Variants in SLC44A5 observed in about 807,000 individuals in gnomAD.
SLC44A5 encodes solute carrier family 44 member 5, also known as choline transporter-like protein 5.
In SLC44A5, 57 loss-of-function variants were observed where a neutral mutation model predicts 101.8. The ratio of observed to expected loss-of-function variants is 0.56; its 90% confidence interval spans 0.45 to 0.70. SLC44A5 has a LOEUF of 0.70. Ranked by LOEUF, SLC44A5 falls within the 30% of genes least tolerant of loss-of-function variation. The pLI is 0.00. For missense variants in SLC44A5, 737 were observed against 853.1 expected, an observed-to-expected ratio of 0.86 and a Z score of 1.70; for synonymous variants, 281 against 290.9, an observed-to-expected ratio of 0.97 and a Z score of 0.35.
chr1:75,501,551 A>G (rs1263405067), intron 2 of SLC44A5, among the ~76,000 whole-genome samples: 1 of 152,206 alleles, frequency 6.6e-6, no homozygotes, highest in African/African-American at 2.4e-5. Context: ...TATGTTTGCT[A>G]AGCATTCTAT....
chr1:75,476,100 T>C (rs1209752828), intron 2 of SLC44A5, among the ~76,000 whole-genome samples: 1 of 152,078 alleles, frequency 6.6e-6, no homozygotes, highest in Non-Finnish European at 1.5e-5. Context: ...TGAGAATCGC[T>C]TGAACCCGGG....
At chr1:75,622,956 A>T in the SLC44A5 span, among the ~76,000 whole-genome samples, 1 of 152,110 alleles carries the variant, frequency 6.6e-6, no homozygotes, top group Non-Finnish European at 1.5e-5. Context: ...TGCTTCTGAC[A>T]TATTTTTGAC....
the SLC44A5 span, among the ~76,000 whole-genome samples, chr1:75,692,879 C>T: frequency 6.6e-6 from 1 of 152,012 alleles, no homozygotes; most frequent in Non-Finnish European, 1.5e-5. Context: ...CCACATCTCC[C>T]CTGGGAACAG....
At chr1:75,371,488 C>A (rs951749586) in intron 3 of SLC44A5, among the ~76,000 whole-genome samples, 9 of 151,868 alleles carry the variant, frequency 5.9e-5, no homozygotes, top group African/African-American at 2.2e-4. Context: ...ATCCAAAGAC[C>A]CAAGTAGCTT....
At chr1:75,454,633 A>G (rs1666087561) in intron 2 of SLC44A5, among the ~76,000 whole-genome samples, 1 of 152,082 alleles carries the variant, frequency 6.6e-6, no homozygotes, top group African/African-American at 2.4e-5. Context: ...TTCTATACCT[A>G]GAAAACCCTA....
intron 2 of SLC44A5, among the ~76,000 whole-genome samples, chr1:75,428,160 G>A (rs1030225200): frequency 6.6e-6 from 1 of 152,110 alleles, no homozygotes; most frequent in Admixed American, 6.5e-5. Flanking sequence ...AACCTCTGTT[G>A]TTTTAAGCAA....
the SLC44A5 span, among the ~76,000 whole-genome samples, chr1:75,639,612 C>T: frequency 6.6e-6 from 1 of 152,146 alleles, no homozygotes; most frequent in African/African-American, 2.4e-5. Flanking sequence ...TTGCTCACTT[C>T]CCCAGTGCAT....
intron 1 of SLC44A5, among the ~76,000 whole-genome samples, chr1:75,574,150 C>T (rs1298590703): frequency 6.6e-6 from 1 of 152,122 alleles, no homozygotes; most frequent in East Asian, 1.9e-4. Flanking sequence ...AACTAGAGGA[C>T]AAAAATATAA....
intron 2 of SLC44A5, chr1:75,402,551 G>T (rs1249777): frequency 0.24 from 49,330 of 202,226 alleles, 6,521 homozygotes; most frequent in African/African-American, 0.33. Flanking sequence ...GCTGAAGTAG[G>T]GTGAGGCATC....
the SLC44A5 span, among the ~76,000 whole-genome samples, chr1:75,624,226 T>C: frequency 1.3e-5 from 2 of 152,118 alleles, no homozygotes; most frequent in African/African-American, 4.8e-5. Context: ...TGTAAGTCCA[T>C]AGTGATAGTC....
chr1:75,225,962 G>T (rs1390664186), intron 13 of SLC44A5, among the ~76,000 whole-genome samples: 1 of 152,124 alleles, frequency 6.6e-6, no homozygotes, highest in African/African-American at 2.4e-5. Context: ...AGTAAAACTA[G>T]AAGTTTCAAT....
At chr1:75,427,598 C>T (rs779469660) in intron 2 of SLC44A5, among the ~76,000 whole-genome samples, 1 of 152,056 alleles carries the variant, frequency 6.6e-6, no homozygotes, top group African/African-American at 2.4e-5. Flanking sequence ...ACAGATATAA[C>T]AATACAGTTT....
chr1:75,629,854 G>C, the SLC44A5 span, among the ~76,000 whole-genome samples: 5 of 152,158 alleles, frequency 3.3e-5, no homozygotes, highest in Non-Finnish European at 7.3e-5. Context: ...GTGTAAAACA[G>C]TATTGAAGAT....
intron 2 of SLC44A5, chr1:75,521,713 C>G (rs1275838535): frequency 6.5e-6 from 1 of 152,684 alleles, no homozygotes; most frequent in African/African-American, 2.4e-5. Flanking sequence ...GGTAGAAGCT[C>G]AAATATAGGA....
chr1:75,205,655 T>G (rs1646738148), intron 23 of SLC44A5: 1 of 152,130 alleles, frequency 6.6e-6, no homozygotes, highest in African/African-American at 2.4e-5. Context: ...TTCCTTAGGG[T>G]AAAATCTGAA....
chr1:75,300,160 C>A (rs991988982), intron 5 of SLC44A5, among the ~76,000 whole-genome samples: 1 of 151,278 alleles, frequency 6.6e-6, no homozygotes, highest in Non-Finnish European at 1.5e-5. Context: ...GAGACTAGAA[C>A]TTTTTGTATG....
chr1:75,530,060 T>C (rs1183044552), intron 2 of SLC44A5, among the ~76,000 whole-genome samples: 1 of 152,096 alleles, frequency 6.6e-6, no homozygotes, highest in African/African-American at 2.4e-5. Context: ...AATAACATCT[T>C]TTTTTTGAGA....
At chr1:75,661,957 A>T in the SLC44A5 span, among the ~76,000 whole-genome samples, 2,386 of 152,230 alleles carry the variant, frequency 0.016, 72 homozygotes, top group African/African-American at 0.053. Flanking sequence ...AAAGAAACAA[A>T]AATAGAACAA....
At chr1:75,266,186 A>G (rs998730955) in intron 6 of SLC44A5, among the ~76,000 whole-genome samples, 9 of 152,150 alleles carry the variant, frequency 5.9e-5, no homozygotes, top group African/African-American at 2.2e-4. Flanking sequence ...TGTCTTCCAG[A>G]GTTGGGAATC....
Sources: gnomAD v4.1 joint callset for allele counts (sites outside exome capture counted in the v4.1 genomes callset) on GRCh38, gnomAD v4.1.1 for gene constraint, MANE v1.5 for transcripts, NCBI Gene and HGNC (gene_info 2026-07-23, HGNC 2026-07-21) for gene names.